The following HPSE2 variants were observed in gnomAD, a reference collection of about 807,000 sequenced individuals.
HPSE2 encodes heparanase 2 (inactive).
A neutral mutation model predicts 60.5 loss-of-function variants in HPSE2; 38 were observed. The observed-to-expected ratio is 0.63, with a 90% CI of 0.48 to 0.82. The LOEUF (loss-of-function observed/expected upper bound fraction) is 0.82, where lower values mean the gene tolerates loss of function less well. Among genes scored for constraint, HPSE2 ranks in the 40% least tolerant of loss-of-function variants. The probability of loss-of-function intolerance (pLI) is 0.00; values close to 1 mark genes in which losing one functional copy is unlikely to be tolerated. For missense variants in HPSE2, 713 were observed against 740.4 expected, an observed-to-expected ratio of 0.96 and a Z score of 0.43; for synonymous variants, 295 against 293.2, an observed-to-expected ratio of 1.01 and a Z score of -0.06.
At chr10:99,230,763 TG>T (rs967857018) in intron 2 of HPSE2, among the ~76,000 whole-genome samples, 3 of 152,130 alleles carry the variant, frequency 2.0e-5, no homozygotes, top group Non-Finnish European at 4.4e-5. Flanking sequence ...CAGCAATTCC[TG>T]GGGCTCTTAC....
intron 3 of HPSE2, among the ~76,000 whole-genome samples, chr10:98,798,206 A>G (rs1950824955): frequency 6.6e-6 from 1 of 152,164 alleles, no homozygotes; most frequent in Non-Finnish European, 1.5e-5. Context: ...AAAAACTTTT[A>G]CCCTAAAGTG....
chr10:99,277,979 C>T, the HPSE2 span, among the ~76,000 whole-genome samples: 1 of 151,626 alleles, frequency 6.6e-6, no homozygotes, highest in Non-Finnish European at 1.5e-5. Flanking sequence ...CACCTGTAAT[C>T]CCAGCTACTC....
At chr10:99,066,385 C>T (rs78395477) in intron 3 of HPSE2, among the ~76,000 whole-genome samples, 143 of 152,078 alleles carry the variant, frequency 9.4e-4, no homozygotes, top group African/African-American at 2.8e-3. Context: ...AAACTCAACC[C>T]GAAGCAAAGA....
chr10:98,556,469 T>C (rs1401741559), intron 9 of HPSE2, among the ~76,000 whole-genome samples: 1 of 152,230 alleles, frequency 6.6e-6, no homozygotes, highest in Non-Finnish European at 1.5e-5. Context: ...TAAGTGAATT[T>C]TGCAACGTCA....
chr10:98,858,713 G>A (rs1285423071), intron 3 of HPSE2, among the ~76,000 whole-genome samples: 1 of 152,218 alleles, frequency 6.6e-6, no homozygotes. Flanking sequence ...TCACGACGAT[G>A]TGGTTGTGGA....
chr10:99,070,539 A>C (rs1842755180), intron 3 of HPSE2, among the ~76,000 whole-genome samples: 1 of 152,240 alleles, frequency 6.6e-6, no homozygotes, highest in African/African-American at 2.4e-5. Context: ...ACCATTTTAA[A>C]AAATCAAGTA....
intron 3 of HPSE2, among the ~76,000 whole-genome samples, chr10:99,021,837 A>G (rs370924175): frequency 7.4e-6 from 1 of 135,120 alleles, no homozygotes; most frequent in Non-Finnish European, 1.7e-5. Flanking sequence ...AAAAAAAAAA[A>G]CCCCAACACC....
At chr10:98,792,210 T>A (rs1950669499) in intron 3 of HPSE2, among the ~76,000 whole-genome samples, 1 of 152,136 alleles carries the variant, frequency 6.6e-6, no homozygotes, top group Non-Finnish European at 1.5e-5. Flanking sequence ...CAAAAGGTTT[T>A]TTTTTTCAGC....
At chr10:98,970,328 G>A (rs1057059937) in intron 3 of HPSE2, among the ~76,000 whole-genome samples, 1 of 152,028 alleles carries the variant, frequency 6.6e-6, no homozygotes, top group Admixed American at 6.6e-5. Context: ...TTTCACCAAG[G>A]GATAGCACCA....
chr10:99,147,258 T>G (rs1846089173), intron 2 of HPSE2, among the ~76,000 whole-genome samples: 1 of 152,148 alleles, frequency 6.6e-6, no homozygotes, highest in African/African-American at 2.4e-5. Flanking sequence ...AAGAGTAGAA[T>G]TACATTAAAC....
chr10:98,845,872 T>TG (rs1429943576), intron 3 of HPSE2, among the ~76,000 whole-genome samples: 1 of 152,198 alleles, frequency 6.6e-6, no homozygotes, highest in Non-Finnish European at 1.5e-5. Flanking sequence ...CTGACTGTCT[T>TG]GGGACTGCTC....
chr10:98,625,841 A>G (rs1384126779), intron 7 of HPSE2, among the ~76,000 whole-genome samples: 1 of 152,072 alleles, frequency 6.6e-6, no homozygotes, highest in African/African-American at 2.4e-5. Flanking sequence ...GGTGGCTCAC[A>G]CCTGTAATCC....
rs1372559441 is a variant in HPSE2, at chr10:98,869,066, C to T, written c.611-125010G>A. 5.3e-5 allele frequency among the ~76,000 whole-genome samples: 8 copies of T among 151,604 alleles called. No individual in the cohort carries two copies. In the South Asian group the frequency reaches 1.3e-3, roughly 24 times the overall value. On this transcript the variant is annotated intron_variant, in intron 3 of 11. Coordinates refer to ENST00000370552, the MANE Select transcript of HPSE2 (RefSeq NM_021828.5). ...GTGAGTATGTGTATGTGTGCGCACG[C>T]GTGTGTGTTTTCGAGTCATCTATTT...
At chr10:99,233,396 C>G (rs1189808357) in intron 1 of HPSE2, among the ~76,000 whole-genome samples, 1 of 152,204 alleles carries the variant, frequency 6.6e-6, no homozygotes, top group African/African-American at 2.4e-5. Context: ...AATGTGGAAC[C>G]TGCGCGTTAT....
intron 3 of HPSE2, among the ~76,000 whole-genome samples, chr10:99,038,504 G>T (rs1957661184): frequency 6.6e-6 from 1 of 152,114 alleles, no homozygotes; most frequent in South Asian, 2.1e-4. Flanking sequence ...TGTTGCCAGG[G>T]TTTAGGAATT....
At chr10:99,258,830 C>A in the HPSE2 span, among the ~76,000 whole-genome samples, 1 of 152,256 alleles carries the variant, frequency 6.6e-6, no homozygotes, top group East Asian at 1.9e-4. Flanking sequence ...GTAAAACAAA[C>A]AAAACTTAGC....
intron 3 of HPSE2, among the ~76,000 whole-genome samples, chr10:99,135,070 A>T (rs1845592721): frequency 6.6e-6 from 1 of 152,152 alleles, no homozygotes; most frequent in Non-Finnish European, 1.5e-5. Flanking sequence ...TGCGATCTTA[A>T]TCTCTGATGA....
intron 3 of HPSE2, among the ~76,000 whole-genome samples, chr10:99,110,427 C>T (rs558938763): frequency 2.6e-5 from 4 of 152,074 alleles, no homozygotes; most frequent in Non-Finnish European, 4.4e-5. Context: ...GAGTATTCTC[C>T]GTCCTTTCAA....
At chr10:98,705,273 T>TG (rs1948517562) in intron 5 of HPSE2, among the ~76,000 whole-genome samples, 1 of 152,178 alleles carries the variant, frequency 6.6e-6, no homozygotes, top group Non-Finnish European at 1.5e-5. Flanking sequence ...CTGGCGAAGC[T>TG]GCGGAGAAAT....
Sources: allele counts gnomAD v4.1 joint callset (sites outside exome capture counted in the v4.1 genomes callset), GRCh38; gene constraint gnomAD v4.1.1; transcripts MANE v1.5; gene names NCBI Gene and HGNC (gene_info 2026-07-23, HGNC 2026-07-21).